Variants in TENM4 observed in about 807,000 individuals in gnomAD.
TENM4 encodes teneurin-4.
In TENM4, 82 loss-of-function variants were observed where a neutral mutation model predicts 243.3. That is an observed-to-expected ratio of 0.34 (90% CI 0.28 to 0.40). The LOEUF is 0.40. Among genes scored for constraint, TENM4 ranks in the 10% least tolerant of loss-of-function variants. TENM4 has a pLI of 1.00. For missense variants in TENM4, 3,138 were observed against 3,673.3 expected (o/e 0.85, Z 3.77); for synonymous variants, 1,412 against 1,456.3 (o/e 0.97, Z 0.69).
At chr11:79,431,733 T>C (rs1303597801) in intron 1 of TENM4, among the ~76,000 whole-genome samples, 1 of 152,188 alleles carries the variant, frequency 6.6e-6, no homozygotes, top group Non-Finnish European at 1.5e-5. Flanking sequence ...CATCTACCTG[T>C]AGTCATACAT....
intron 6 of TENM4, among the ~76,000 whole-genome samples, chr11:78,944,251 G>C (rs1348498498): frequency 6.6e-6 from 1 of 151,742 alleles, no homozygotes; most frequent in Non-Finnish European, 1.5e-5. Flanking sequence ...GGGGTTCGTA[G>C]TCCTGACTCA....
chr11:79,305,004 A>G (rs1238190317), intron 1 of TENM4, among the ~76,000 whole-genome samples: 1 of 152,260 alleles, frequency 6.6e-6, no homozygotes, highest in Non-Finnish European at 1.5e-5. Context: ...ATAGAAAAAC[A>G]AAAACAAGGA....
chr11:78,860,803 T>A (rs1336083292), intron 10 of TENM4, among the ~76,000 whole-genome samples: 1 of 152,204 alleles, frequency 6.6e-6, no homozygotes, highest in East Asian at 1.9e-4. Context: ...AAACAGGATT[T>A]CCATTTGCAT....
At chr11:79,380,119 T>C (rs1278370078) in intron 1 of TENM4, among the ~76,000 whole-genome samples, 1 of 152,172 alleles carries the variant, frequency 6.6e-6, no homozygotes, top group Non-Finnish European at 1.5e-5. Flanking sequence ...CATGCAGCTA[T>C]GAGCCTCCCA....
At chr11:79,224,912 T>C (rs1368596438) in intron 2 of TENM4, among the ~76,000 whole-genome samples, 2 of 151,460 alleles carry the variant, frequency 1.3e-5, no homozygotes, top group Non-Finnish European at 2.9e-5. Flanking sequence ...GATTGTGCCA[T>C]TGCACTCCAG....
intron 17 of TENM4, among the ~76,000 whole-genome samples, chr11:78,773,182 C>T (rs1189219756): frequency 2.0e-5 from 3 of 152,194 alleles, no homozygotes; most frequent in Admixed American, 6.5e-5. Context: ...TCTTTAACAA[C>T]GGTAGCTGAC....
intron 6 of TENM4, among the ~76,000 whole-genome samples, chr11:78,961,285 AG>A (rs1322512377): frequency 1.3e-5 from 2 of 152,132 alleles, no homozygotes; most frequent in Non-Finnish European, 1.5e-5. Flanking sequence ...AGGTGATCCT[AG>A]GTTACCTCAT....
chr11:79,038,194 GA>G (rs1859435350), intron 6 of TENM4, among the ~76,000 whole-genome samples: 1 of 152,192 alleles, frequency 6.6e-6, no homozygotes, highest in African/African-American at 2.4e-5. Flanking sequence ...TTGCCTGGGT[GA>G]ATGAATGGAT....
At chr11:79,065,076 C>A (rs918414314) in intron 5 of TENM4, 69 bp from the exon 6 acceptor site, 1 of 1,427,542 alleles carries the variant, frequency 7.0e-7, no homozygotes. Flanking sequence ...CTGCCTGAAG[C>A]CTGGCCTTCT....
At chr11:79,343,533 T>C (rs1411206358) in intron 1 of TENM4, among the ~76,000 whole-genome samples, 1 of 152,246 alleles carries the variant, frequency 6.6e-6, no homozygotes, top group Non-Finnish European at 1.5e-5. Context: ...TTAACCTATA[T>C]AAAGCAGATA....
intron 4 of TENM4, among the ~76,000 whole-genome samples, chr11:79,098,518 T>G (rs193088030): frequency 3.3e-4 from 51 of 152,252 alleles, no homozygotes; most frequent in African/African-American, 1.2e-3. Flanking sequence ...CCAACCTCTC[T>G]CCTGAGGAGG....
At chr11:79,364,830 T>A (rs1303495199) in intron 1 of TENM4, among the ~76,000 whole-genome samples, 1 of 152,230 alleles carries the variant, frequency 6.6e-6, no homozygotes, top group Admixed American at 6.5e-5. Flanking sequence ...TTGCTTTAAA[T>A]ATCAGTCTTC....
At chr11:79,421,935 G>A (rs527969264) in intron 1 of TENM4, among the ~76,000 whole-genome samples, 5 of 152,096 alleles carry the variant, frequency 3.3e-5, no homozygotes, top group Non-Finnish European at 7.3e-5. Context: ...GGCCCAAGGT[G>A]CAGATACCCC....
rs377033697 is a variant in TENM4, at chr11:78,702,116, A to G, written c.4497T>C (p.Thr1499=). 2.4e-4 allele frequency: 388 copies of G among 1,613,882 alleles called. No homozygotes were observed. The highest frequency in any genetic ancestry group is 6.6e-4 in the Middle Eastern group (4 of 6,084). Residue 1499 remains threonine (T), a synonymous_variant, in exon 28 of 34, where the codon ACT becomes ACC. Coordinates refer to ENST00000278550, the MANE Select transcript of TENM4 (RefSeq NM_001098816.3). ...KKINRIRQVT[T]SGEISLVAGA... is the part of the protein sequence containing the mutation. ...CAGCAACGAGTGAGATCTCTCCACT[A>G]GTGGTGACCTGCCTGATGCGGTTGA...
At chr11:79,348,437 C>G (rs1362254412) in intron 1 of TENM4, among the ~76,000 whole-genome samples, 1 of 152,158 alleles carries the variant, frequency 6.6e-6, no homozygotes, top group Non-Finnish European at 1.5e-5. Context: ...AGCTACTGAT[C>G]ACAGTTAAGT....
At chr11:79,203,248 C>A (rs1863783093) in intron 3 of TENM4, among the ~76,000 whole-genome samples, 1 of 152,134 alleles carries the variant, frequency 6.6e-6, no homozygotes, top group African/African-American at 2.4e-5. Context: ...ACCATATGAT[C>A]CAGCAATTCA....
intron 4 of TENM4, among the ~76,000 whole-genome samples, chr11:79,144,365 T>A (rs904992375): frequency 2.6e-5 from 4 of 151,888 alleles, no homozygotes; most frequent in African/African-American, 9.7e-5. Context: ...TGGAGAACAG[T>A]TTGGAGGTTC....
At chr11:79,311,475 G>A (rs1487785322) in intron 1 of TENM4, among the ~76,000 whole-genome samples, 1 of 152,214 alleles carries the variant, frequency 6.6e-6, no homozygotes, top group African/African-American at 2.4e-5. Context: ...CACAGCGGAT[G>A]TGCTACTTGT....
chr11:78,943,378 G>A (rs1208955487), intron 6 of TENM4, among the ~76,000 whole-genome samples: 4 of 152,214 alleles, frequency 2.6e-5, no homozygotes, highest in Admixed American at 2.6e-4. Context: ...GGCAAGGGGT[G>A]GGCGTCAGTG....
Sources: gnomAD v4.1 joint callset for allele counts (sites outside exome capture counted in the v4.1 genomes callset) on GRCh38, gnomAD v4.1.1 for gene constraint, MANE v1.5 for transcripts, NCBI Gene and HGNC (gene_info 2026-07-23, HGNC 2026-07-21) for gene names.